The following CD74 variants were observed in gnomAD, a reference collection of about 807,000 sequenced individuals.
CD74 encodes the protein CD74 molecule.
Under a neutral mutation model 37.1 loss-of-function variants are expected in CD74, and 20 were observed. That is an observed-to-expected ratio of 0.54 (90% CI 0.38 to 0.78). The LOEUF is 0.78. CD74 is among the 30% of genes least tolerant of loss of function. The pLI is 0.00. For missense variants in CD74, 338 were observed against 389.5 expected (o/e 0.87, Z 1.11); for synonymous variants, 150 against 152.0 (o/e 0.99, Z 0.10).
rs1264422009 is a variant in CD74, at chr5:150,401,689, TAAC to T, written c.*548_*550del. 2 of 546,646 alleles carry T rather than the reference TAAC, an allele frequency of 3.7e-6. No individual in the cohort carries two copies. The highest frequency in any genetic ancestry group is 3.3e-6 in the Non-Finnish European group (1 of 306,544). 33.9% of individuals were successfully genotyped at this position (546,646 alleles called of 1,614,324 possible). ...TGTGAACCATGGCCCTGAAAGCTGA[TAAC>T]AAGCTTGGCTGAGCAGAGGGAACTA... On this transcript the variant is annotated 3_prime_UTR_variant, in exon 9 of 9. Coordinates refer to ENST00000009530, the MANE Select transcript of CD74 (RefSeq NM_001025159.3).
At chr5:150,412,578 C>T (rs780645975) in intron 1 of CD74, 47 bp downstream of exon 1, 1 of 1,407,688 alleles carries the variant, frequency 7.1e-7, no homozygotes, top group Non-Finnish European at 1.0e-6. Context: ...ATGCGCACGG[C>T]TCTGCAGTCC....
At chr5:150,408,290 G>T (rs1465215848) in intron 1 of CD74, among the ~76,000 whole-genome samples, 1 of 152,094 alleles carries the variant, frequency 6.6e-6, no homozygotes, top group Non-Finnish European at 1.5e-5. Flanking sequence ...GGAGTGGGCT[G>T]GGGGAGGCTT....
chr5:150,410,982 C>A (rs116336543), intron 1 of CD74, among the ~76,000 whole-genome samples: 94 of 152,250 alleles, frequency 6.2e-4, no homozygotes, highest in African/African-American at 2.1e-3. Flanking sequence ...GAAAGGGGGC[C>A]AAATGGTGGA....
chr5:150,409,786 T>TTGTC (rs1399192527), intron 1 of CD74, among the ~76,000 whole-genome samples: 2 of 149,802 alleles, frequency 1.3e-5, no homozygotes, highest in Non-Finnish European at 3.0e-5. Flanking sequence ...GTTTGTTTGT[T>TTGTC]TGTTTGTATA....
chr5:150,406,324 G>A lies in CD74; in HGVS notation c.379-3C>T, dbSNP rs750733702. 3 of 1,612,984 alleles carry A rather than the reference G, an allele frequency of 1.9e-6. No individual in the cohort carries two copies. Among genetic ancestry groups the A allele is most frequent in the East Asian group, 4.5e-5 (2 of 44,878 alleles). On this transcript the variant is annotated splice_region_variant and splice_polypyrimidine_tract_variant and intron_variant, in intron 3 of 8. Transcript: ENST00000009530. The stretch of plus-strand genomic sequence containing the variant: ...TACTTGGTGGCATTCTGCATGGGCT[G>A]TGGGAGGAAGTAACAGAAGGTTACC...
In CD74 at chr5:150,412,652, A is replaced by G; in HGVS notation, c.98T>C (p.Leu33Pro). The change falls in exon 1 of 9, where the codon CTG (leucine) becomes CCG (proline). Residue 33 changes from leucine to proline, a missense_variant. Leu to Pro is a moderately conservative substitution (Grantham distance 98). Transcript: ENST00000009530. ...LISNNEQLPMLGRRPGAPESK... is the reference protein window; with the variant it reads ...LISNNEQLPMPGRRPGAPESK... ...CTCCGGGGCCCCAGGGCGCCGGCCCAGCATGGGCAGTTGCTCATTGTTGGA... is the reference window on the plus strand; with the variant it reads ...CTCCGGGGCCCCAGGGCGCCGGCCCGGCATGGGCAGTTGCTCATTGTTGGA... 6.2e-7 allele frequency: 1 copy of G among 1,613,788 alleles called. No individual in the cohort carries two copies. The highest frequency in any genetic ancestry group is 1.6e-4 in the Middle Eastern group (1 of 6,062).
At position 150,403,202 on chromosome 5, in the gene CD74, T is replaced by C; in HGVS notation, c.736A>G (p.Ser246Gly). The change falls in exon 7 of 9, where the codon AGC becomes GGC. Residue 246 changes from serine to glycine, a missense_variant. Ser to Gly is a moderately conservative substitution (Grantham distance 56). Coordinates refer to ENST00000009530, the MANE Select transcript of CD74 (RefSeq NM_001025159.3). The surrounding 1 kb of genome is among the most constrained non-coding windows in gnomAD (Gnocchi z 4.5). ...AAGACACACCAGCAGTAGCCGATGCTCCCATAGCACTGGAGTGGCAGATAG... is the reference window on the plus strand; with the variant it reads ...AAGACACACCAGCAGTAGCCGATGCCCCCATAGCACTGGAGTGGCAGATAG... ...GNYLPLQCYG[S>G]IGYCWCVFPN... is the part of the protein sequence containing the mutation. 4 of 1,614,030 alleles carry C rather than the reference T, an allele frequency of 2.5e-6. No homozygotes were observed. Among genetic ancestry groups the C allele is most frequent in the Non-Finnish European group, 3.4e-6 (4 of 1,179,896 alleles).
In CD74 at chr5:150,401,735, T is replaced by C; in HGVS notation, c.*505A>G. ...GGGAACTAGGGGTCGGCAGAAAGGA[T>C]TATGGGTGGAAAACATTGGCTCTTC... On this transcript the variant is annotated 3_prime_UTR_variant, in exon 9 of 9. Transcript: ENST00000009530. 3.4e-6 allele frequency: 2 copies of C among 590,702 alleles called. No homozygotes were observed. The highest frequency in any genetic ancestry group is 6.0e-6 in the Non-Finnish European group (2 of 331,514). 36.6% of individuals were successfully genotyped at this position (590,702 alleles called of 1,614,324 possible).
chr5:150,412,616 C>T lies in CD74; in HGVS notation c.125+9G>A, dbSNP rs760565382. The T allele has an allele frequency of 3.1e-6, 5 of 1,604,058 alleles. No homozygotes were observed. Among genetic ancestry groups the T allele is most frequent in the Non-Finnish European group, 4.3e-6 (5 of 1,173,200 alleles). On this transcript the variant is annotated intron_variant, in intron 1 of 8. Coordinates refer to ENST00000009530, the MANE Select transcript of CD74 (RefSeq NM_001025159.3). ...GATCGGTGTGCCCTTTCCTGGTGCT[C>T]ACACATACCTCTCCGGGGCCCCAGG...
At chr5:150,405,488 G>A in intron 4 of CD74, 3 of 1,119,092 alleles carry the variant, frequency 2.7e-6, no homozygotes, top group Non-Finnish European at 3.3e-6. Context: ...TGCTCCAGCA[G>A]GTGAGGACCC....
Position 150,412,808 on chromosome 5 carries a change from C to T in CD74, c.-59G>A. 6.2e-7 allele frequency: 1 copy of T among 1,605,842 alleles called. No individual in the cohort carries two copies. The highest frequency in any genetic ancestry group is 8.5e-7 in the Non-Finnish European group (1 of 1,176,110). On this transcript the variant is annotated 5_prime_UTR_variant, in exon 1 of 9. Coordinates refer to ENST00000009530, the MANE Select transcript of CD74 (RefSeq NM_001025159.3). ...GTCGGTGCTGGAGAGGAATCTGATT[C>T]GTCCACAGAAGGCCACTCCGCCCAC...
chr5:150,409,719 A>G (rs1162097782), intron 1 of CD74, among the ~76,000 whole-genome samples: 1 of 150,176 alleles, frequency 6.7e-6, no homozygotes, highest in Non-Finnish European at 1.5e-5. Context: ...AAAAAAAAAA[A>G]AAACAAGAAA....
chr5:150,406,909 G>T lies in CD74; in HGVS notation c.350C>A (p.Ala117Glu). ...CTGGGGCAGGGCTCCCATGGGCAGC[G>T]CCTGCATCAGCAGCGGGGTGGCCAT... Reference protein sequence around the residue: ...MRMATPLLMQALPMGALPQGP... With the variant: ...MRMATPLLMQELPMGALPQGP... The change falls in exon 3 of 9, where the codon GCG (alanine) becomes GAG (glutamate). Residue 117 changes from alanine (A) to glutamate (E), a missense_variant. Ala to Glu is a moderately radical substitution (Grantham distance 107). Transcript: ENST00000009530. 6.5e-7 allele frequency: 1 copy of T among 1,529,462 alleles called. No homozygotes were observed. Among genetic ancestry groups the T allele is most frequent in the South Asian group, 1.3e-5 (1 of 75,624 alleles). The allele number at this position is 1,529,462 out of a possible 1,614,324, so 94.7% of individuals were successfully genotyped here.
Position 150,407,411 on chromosome 5 carries a change from C to A in CD74, c.126-87G>T. 1 of 1,112,744 alleles carries A rather than the reference C, an allele frequency of 9.0e-7. No homozygotes were observed. The highest frequency in any genetic ancestry group is 1.3e-6 in the Non-Finnish European group (1 of 781,200). 68.9% of individuals were successfully genotyped at this position (1,112,744 alleles called of 1,614,324 possible). On this transcript the variant is annotated intron_variant, in intron 1 of 8. Transcript: ENST00000009530. The surrounding 1 kb of genome is among the most constrained non-coding windows in gnomAD (Gnocchi z 4.4). ...GGCTAGGAATGGGGAAATGTATACC[C>A]CCATCTCCATTAGACCCCTAAGCCA...
At position 150,401,796 on chromosome 5, in the gene CD74, G is replaced by A. The variant is rs762942967; in HGVS notation, c.*444C>T. 1 of 618,088 alleles carries A rather than the reference G, an allele frequency of 1.6e-6. No individual in the cohort carries two copies. The highest frequency in any genetic ancestry group is 2.7e-5 in the East Asian group (1 of 36,584). 38.3% of individuals were successfully genotyped at this position (618,088 alleles called of 1,614,324 possible). On this transcript the variant is annotated 3_prime_UTR_variant, in exon 9 of 9. Coordinates refer to ENST00000009530, the MANE Select transcript of CD74 (RefSeq NM_001025159.3). Reference sequence around the variant, plus strand: ...GATGCTGGGGAAAGGGAAGAGAGTGGCTCAGCCTGCAGGTAAATAGGCTAG... The same window carrying A: ...GATGCTGGGGAAAGGGAAGAGAGTGACTCAGCCTGCAGGTAAATAGGCTAG...
Position 150,406,315 on chromosome 5 carries a change from G to T in CD74, c.385C>A (p.Gln129Lys). 1 of 1,613,480 alleles carries T rather than the reference G, an allele frequency of 6.2e-7. No individual in the cohort carries two copies. Among genetic ancestry groups the T allele is most frequent in the Non-Finnish European group, 8.5e-7 (1 of 1,179,518 alleles). Reference sequence around the variant, plus strand: ...ATGTTGCCATACTTGGTGGCATTCTGCATGGGCTGTGGGAGGAAGTAACAG... The same window carrying T: ...ATGTTGCCATACTTGGTGGCATTCTTCATGGGCTGTGGGAGGAAGTAACAG... ...PMGALPQGPM[Q>K]NATKYGNMTE... Residue 129 changes from glutamine (Q) to lysine (K), a missense_variant, in exon 4 of 9, where the codon CAG (glutamine) becomes AAG (lysine). Transcript: ENST00000009530.
At chr5:150,405,838 G>C (rs904753407) in intron 4 of CD74, 1 of 165,534 alleles carries the variant, frequency 6.0e-6, no homozygotes, top group Admixed American at 5.8e-5. Context: ...GTGGCGTGAT[G>C]ATCTCGGCTC....
rs1769826479 is a variant in CD74 at position 150,404,474 on chromosome 5, ATGGGGG to A, written c.625+200_625+205del. 7.6e-6 allele frequency: 4 copies of A among 524,518 alleles called. No individual in the cohort carries two copies. The African/African-American group carries it at 7.9e-5, about 10-fold the overall frequency. 32.5% of individuals were successfully genotyped at this position (524,518 alleles called of 1,614,324 possible). ...GGGCCCTTAGGAACCCTTAGACAAG[ATGGGGG>A]TGGGTCAGGGGAGGGGGACAGCCAA... is the stretch of plus-strand genomic sequence containing the variant. On this transcript the variant is annotated intron_variant, in intron 6 of 8. Coordinates refer to ENST00000009530, the MANE Select transcript of CD74 (RefSeq NM_001025159.3).
At position 150,404,560 on chromosome 5, in the gene CD74, G is replaced by A. The variant is rs1036883812; in HGVS notation, c.625+120C>T. 5 of 629,042 alleles carry A rather than the reference G, an allele frequency of 7.9e-6. No individual in the cohort carries two copies. In the East Asian group the frequency reaches 1.4e-4, roughly 17 times the overall value. 39.0% of individuals were successfully genotyped at this position (629,042 alleles called of 1,614,324 possible). ...GAAGTGAGAAAGAAGTGAGAGCTGA[G>A]AGGATGGGAGATTCCGCGGTGCTGG... On this transcript the variant is annotated intron_variant, in intron 6 of 8. Coordinates refer to ENST00000009530, the MANE Select transcript of CD74 (RefSeq NM_001025159.3).
Sources: gnomAD v4.1 joint callset for allele counts (sites outside exome capture counted in the v4.1 genomes callset) on GRCh38, gnomAD v4.1.1 for gene constraint, Gnocchi (gnomAD v3.1) non-coding constraint, MANE v1.5 for transcripts, NCBI Gene and HGNC (gene_info 2026-07-23, HGNC 2026-07-21) for gene names.